Variants in TFEC observed in about 807,000 individuals in gnomAD.
TFEC encodes class E basic helix-loop-helix protein 34.
TFEC carries 31 observed loss-of-function variants against 41.6 expected under a neutral mutation model. The ratio of observed to expected loss-of-function variants is 0.74; its 90% CI spans 0.56 to 1.01. The LOEUF (loss-of-function observed/expected upper bound fraction) is 1.01, where lower values mean the gene tolerates loss of function less well. Ranked by LOEUF, TFEC falls within the 50% of genes least tolerant of loss-of-function variation. The probability of loss-of-function intolerance (pLI) is 0.00; values close to 1 mark genes in which losing one functional copy is unlikely to be tolerated. For missense variants in TFEC, 402 were observed against 404.1 expected, an observed-to-expected ratio of 0.99 and a Z score of 0.04; for synonymous variants, 143 against 140.6, an observed-to-expected ratio of 1.02 and a Z score of -0.12.
chr7:116,109,867 T>A (rs1278390492), intron 3 of TFEC, among the ~76,000 whole-genome samples: 1 of 152,166 alleles, frequency 6.6e-6, no homozygotes, highest in Non-Finnish European at 1.5e-5. Flanking sequence ...AAATGTGGCA[T>A]ATATCCACCA....
intron 1 of TFEC, among the ~76,000 whole-genome samples, chr7:116,005,716 G>A (rs28770533): frequency 0.13 from 19,318 of 152,188 alleles, 1,324 homozygotes; most frequent in Middle Eastern, 0.17. Flanking sequence ...CATAACTAAT[G>A]AGGAGCTGAA....
At chr7:116,100,583 CA>C (rs1797581249) in intron 3 of TFEC, among the ~76,000 whole-genome samples, 1 of 146,308 alleles carries the variant, frequency 6.8e-6, no homozygotes, top group Non-Finnish European at 1.5e-5. Context: ...GAGAAAGAGA[CA>C]GGGGGTTACT....
At chr7:116,070,821 T>C (rs2131021643) in intron 3 of TFEC, among the ~76,000 whole-genome samples, 1 of 151,478 alleles carries the variant, frequency 6.6e-6, no homozygotes, top group East Asian at 1.9e-4. Flanking sequence ...TCCATGTTCC[T>C]TTTATTAGAG....
chr7:116,000,409 T>C (rs774150872), intron 1 of TFEC, among the ~76,000 whole-genome samples: 1 of 152,074 alleles, frequency 6.6e-6, no homozygotes, highest in Admixed American at 6.6e-5. Context: ...ACAAGGTGCC[T>C]ATTATTCAAC....
intron 5 of TFEC, among the ~76,000 whole-genome samples, chr7:115,952,962 G>A (rs1792025919): frequency 6.6e-6 from 1 of 152,034 alleles, no homozygotes; most frequent in Non-Finnish European, 1.5e-5. Context: ...AATTCCCTGA[G>A]TTCACTTCCA....
chr7:116,110,977 A>G, intron 2 of TFEC: 2 of 1,018,350 alleles, frequency 2.0e-6, no homozygotes, highest in South Asian at 4.4e-5. Context: ...ATACAAAATA[A>G]TATTTTATCA....
chr7:116,156,072 C>A (rs1301698091), intron 1 of TFEC, among the ~76,000 whole-genome samples: 1 of 152,106 alleles, frequency 6.6e-6, no homozygotes, highest in Admixed American at 6.5e-5. Flanking sequence ...GTGCTTCATA[C>A]TCCTGGCCCT....
chr7:116,113,072 A>G lies in TFEC; in HGVS notation c.-68-1034T>C, dbSNP rs565906802. 2.0e-5 allele frequency among the ~76,000 whole-genome samples: 3 copies of G among 152,020 alleles called. No individual in the cohort carries two copies. In the East Asian group the frequency reaches 5.8e-4, roughly 29 times the overall value. On this transcript the variant is annotated intron_variant, in intron 1 of 8. Transcript: ENST00000484212. ...CTCAAGAGAGTATTGCATGAAGACA[A>G]AAGTCCTTGGTTCATATTCTGAATG...
intron 6 of TFEC, among the ~76,000 whole-genome samples, chr7:115,943,944 AAAAGCAT>A (rs1444268609): frequency 1.3e-5 from 2 of 150,112 alleles, no homozygotes; most frequent in African/African-American, 4.9e-5. Flanking sequence ...ACATCCACTT[AAAAGCAT>A]TAAAAAATAA....
intron 3 of TFEC, among the ~76,000 whole-genome samples, chr7:116,043,847 G>A (rs537535175): frequency 6.6e-6 from 1 of 152,206 alleles, no homozygotes; most frequent in South Asian, 2.1e-4. Context: ...GTCATAAAAT[G>A]ATCCAAATGC....
intron 6 of TFEC, among the ~76,000 whole-genome samples, chr7:115,943,739 AGAAT>A (rs1430736494): frequency 6.6e-6 from 1 of 151,706 alleles, no homozygotes; most frequent in Non-Finnish European, 1.5e-5. Context: ...GCATGGCTAA[AGAAT>A]GAATGTTGAT....
chr7:116,045,103 A>G (rs1584444717), intron 3 of TFEC, among the ~76,000 whole-genome samples: 1 of 152,228 alleles, frequency 6.6e-6, no homozygotes, highest in Non-Finnish European at 1.5e-5. Context: ...AGGTTGGAAC[A>G]GTTTAGAGGG....
chr7:116,039,978 G>A (rs990755073), intron 3 of TFEC, among the ~76,000 whole-genome samples: 2 of 152,040 alleles, frequency 1.3e-5, no homozygotes. Context: ...TGTTCCTCAA[G>A]TAAGACAGGA....
intron 1 of TFEC, among the ~76,000 whole-genome samples, chr7:115,990,433 C>T (rs1456178889): frequency 6.6e-6 from 1 of 152,096 alleles, no homozygotes; most frequent in African/African-American, 2.4e-5. Context: ...ACAAACTTCC[C>T]TGAGCTAAAG....
At chr7:116,023,433 A>G (rs886128252) in intron 1 of TFEC, among the ~76,000 whole-genome samples, 1 of 152,206 alleles carries the variant, frequency 6.6e-6, no homozygotes, top group Non-Finnish European at 1.5e-5. Flanking sequence ...AACTATTGTG[A>G]TATCAAACTG....
At chr7:116,153,769 T>C (rs928142750) in intron 1 of TFEC, among the ~76,000 whole-genome samples, 4 of 151,972 alleles carry the variant, frequency 2.6e-5, no homozygotes, top group Admixed American at 1.3e-4. Context: ...AATTGGACAC[T>C]GCATAAAAAA....
chr7:115,955,397 G>A (rs895128895), intron 4 of TFEC, among the ~76,000 whole-genome samples: 1 of 152,056 alleles, frequency 6.6e-6, no homozygotes, highest in Admixed American at 6.6e-5. Flanking sequence ...ATCTCTAGTT[G>A]TCATGTCATG....
intron 6 of TFEC, among the ~76,000 whole-genome samples, chr7:115,942,959 G>A (rs77967791): frequency 0.017 from 2,600 of 152,110 alleles, 33 homozygotes; most frequent in Non-Finnish European, 0.025. Context: ...GTCACGAGAT[G>A]TTTTTAATAT....
intron 3 of TFEC, among the ~76,000 whole-genome samples, chr7:116,053,935 A>G (rs574003474): frequency 9.8e-5 from 15 of 152,356 alleles, no homozygotes; most frequent in African/African-American, 3.6e-4. Flanking sequence ...TCTTATATAA[A>G]TTATTTATTC....
Sources: allele counts gnomAD v4.1 joint callset (sites outside exome capture counted in the v4.1 genomes callset), GRCh38; gene constraint gnomAD v4.1.1; transcripts MANE v1.5; gene names NCBI Gene and HGNC (gene_info 2026-07-23, HGNC 2026-07-21).